The following DNAI2 variants were observed in gnomAD, a reference collection of about 807,000 sequenced individuals.
The protein encoded by DNAI2 is dynein, axonemal, intermediate polypeptide 2.
A neutral mutation model predicts 74.7 loss-of-function variants in DNAI2; 63 were observed. That is an observed-to-expected ratio of 0.84 (90% CI 0.69 to 1.04). DNAI2 has a LOEUF of 1.04. DNAI2 is among the 50% of genes least tolerant of loss of function. The pLI is 0.00. For synonymous variants in DNAI2, 289 were observed against 314.9 expected (o/e 0.92, Z 0.87); for missense variants, 688 against 803.2 (o/e 0.86, Z 1.73).
chr17:74,281,832 C>T lies in DNAI2; in HGVS notation c.15C>T (p.Tyr5=), dbSNP rs760845605. ...CAGCCGGCACCATGGAGATTGTGTA[C>T]GTGTACGTCAAGAAGCGCAGCGAGT... The part of the protein sequence containing the change: MEIV[Y]VYVKKRSEFG... Residue 5 remains tyrosine, a synonymous_variant, in exon 2 of 14, where the codon TAC becomes TAT. Transcript: ENST00000311014. 2 of 1,613,906 alleles carry T rather than the reference C, an allele frequency of 1.2e-6. No homozygotes were observed. The highest frequency in any genetic ancestry group is 1.7e-6 in the Non-Finnish European group (2 of 1,180,012).
intron 1 of DNAI2, among the ~76,000 whole-genome samples, chr17:74,278,708 C>T (rs925786640): frequency 2.6e-5 from 4 of 151,312 alleles, no homozygotes; most frequent in Admixed American, 6.6e-5. Context: ...ACGCAGGAGG[C>T]GGAGGTTGCA....
intron 6 of DNAI2, among the ~76,000 whole-genome samples, chr17:74,292,478 G>A (rs7211923): frequency 0.022 from 3,129 of 142,170 alleles, 114 homozygotes; most frequent in African/African-American, 0.076. Flanking sequence ...GTGCAGTGGT[G>A]TAATCACTGC....
chr17:74,294,595 C>G (rs975662394), intron 6 of DNAI2, among the ~76,000 whole-genome samples: 2 of 152,166 alleles, frequency 1.3e-5, no homozygotes, highest in Admixed American at 6.5e-5. Flanking sequence ...GGATTTCAGG[C>G]GTGAGCCACC....
chr17:74,291,578 A>G (rs2052102039), intron 6 of DNAI2, among the ~76,000 whole-genome samples: 1 of 152,210 alleles, frequency 6.6e-6, no homozygotes, highest in Admixed American at 6.5e-5. Flanking sequence ...TAGCTGACCA[A>G]CTGCAGACAC....
intron 1 of DNAI2, among the ~76,000 whole-genome samples, chr17:74,277,113 G>C (rs759195732): frequency 5.3e-5 from 8 of 152,190 alleles, no homozygotes; most frequent in Admixed American, 2.0e-4. Flanking sequence ...AAGGCTGGGT[G>C]CGGTGGCTCA....
chr17:74,288,756 G>A (rs1394755563), intron 4 of DNAI2, among the ~76,000 whole-genome samples: 1 of 152,136 alleles, frequency 6.6e-6, no homozygotes, highest in Non-Finnish European at 1.5e-5. Context: ...AAAGTGGGTG[G>A]AAGTGAGAAA....
chr17:74,294,718 G>T (rs2052333512), intron 6 of DNAI2, among the ~76,000 whole-genome samples: 1 of 152,110 alleles, frequency 6.6e-6, no homozygotes, highest in Admixed American at 6.6e-5. Context: ...ATGTTTCTAG[G>T]TATGGATATC....
chr17:74,296,223 C>T (rs1313996982), intron 6 of DNAI2, among the ~76,000 whole-genome samples: 1 of 151,692 alleles, frequency 6.6e-6, no homozygotes, highest in Non-Finnish European at 1.5e-5. Context: ...GTCTGTAATC[C>T]TAACACTTTG....
At chr17:74,310,433 G>T (rs1448812239) in intron 11 of DNAI2, among the ~76,000 whole-genome samples, 1 of 151,784 alleles carries the variant, frequency 6.6e-6, no homozygotes, top group Non-Finnish European at 1.5e-5. Flanking sequence ...GTTCGACTTG[G>T]TCAGTTTGTC....
chr17:74,297,619 T>C (rs986726997), intron 6 of DNAI2, among the ~76,000 whole-genome samples: 2 of 151,754 alleles, frequency 1.3e-5, no homozygotes, highest in Non-Finnish European at 2.9e-5. Flanking sequence ...TGGCCTCAAG[T>C]GATCCACCCA....
chr17:74,299,009 C>A (rs1158191559), intron 6 of DNAI2, among the ~76,000 whole-genome samples: 1 of 152,202 alleles, frequency 6.6e-6, no homozygotes, highest in East Asian at 1.9e-4. Flanking sequence ...TAAGTCAAAG[C>A]TTACGAGCTA....
At position 74,307,255 on chromosome 17, in the gene DNAI2, C is replaced by T. The variant is rs554598446; in HGVS notation, c.1211+1813C>T. On this transcript the variant is annotated intron_variant, in intron 9 of 13. Coordinates refer to ENST00000311014, the MANE Select transcript of DNAI2 (RefSeq NM_023036.6). ...GAAAGGAGCAGGGTGTCGAGCACAGCACCCATAGGCCTTTCGCAGGGCTGG... is the reference window on the plus strand; with the variant it reads ...GAAAGGAGCAGGGTGTCGAGCACAGTACCCATAGGCCTTTCGCAGGGCTGG... The T allele has an allele frequency of 3.7e-5, 17 of 456,264 alleles. No homozygotes were observed. In the East Asian group the frequency reaches 1.0e-3, roughly 28 times the overall value. 28.3% of individuals were successfully genotyped at this position (456,264 alleles called of 1,614,324 possible).
At position 74,312,240 on chromosome 17, in the gene DNAI2, T is replaced by C. The variant is rs1383896621; in HGVS notation, c.1722+10T>C. ...GCTGACGCCAGTGCCTGTAGGGGCC[T>C]GGACAGGGGTTGGGTGGGTTGGGGA... On this transcript the variant is annotated intron_variant, in intron 12 of 13. Transcript: ENST00000311014. The C allele has an allele frequency of 5.3e-6, 6 of 1,137,918 alleles. No individual in the cohort carries two copies. Among genetic ancestry groups the C allele is most frequent in the Non-Finnish European group, 7.5e-6 (6 of 798,764 alleles). The allele number at this position is 1,137,918 out of a possible 1,614,324, so 70.5% of individuals were successfully genotyped here.
At chr17:74,307,230 G>A (rs1354858919) in intron 9 of DNAI2, 1 of 456,164 alleles carries the variant, frequency 2.2e-6, no homozygotes, top group Non-Finnish European at 4.4e-6. Context: ...AGGGCTGTGT[G>A]AAAGGAGCAG....
chr17:74,309,937 C>T (rs2053416181), intron 10 of DNAI2, 80 bp from the exon 11 acceptor site: 1 of 1,595,934 alleles, frequency 6.3e-7, no homozygotes, highest in African/African-American at 1.3e-5. Flanking sequence ...GTGGCTGAGC[C>T]TCCCCAGGGG....
chr17:74,281,410 C>A, intron 1 of DNAI2: 1 of 396,674 alleles, frequency 2.5e-6, no homozygotes, highest in African/African-American at 2.0e-5. Context: ...AGGTGTGCAC[C>A]ACCATGCCCG....
chr17:74,281,962 A>G lies in DNAI2; in HGVS notation c.145A>G (p.Thr49Ala). 4 of 1,614,096 alleles carry G rather than the reference A, an allele frequency of 2.5e-6. No homozygotes were observed. The highest frequency in any genetic ancestry group is 3.4e-6 in the Non-Finnish European group (4 of 1,180,018). The change falls in exon 2 of 14, where the codon ACG becomes GCG. Residue 49 changes from threonine to alanine, a missense_variant. Coordinates refer to ENST00000311014, the MANE Select transcript of DNAI2 (RefSeq NM_023036.6). ...EQFVERNPVDTGIQCSISMSE... is the reference protein window; with the variant it reads ...EQFVERNPVDAGIQCSISMSE... ...GTTCGTGGAGCGGAACCCAGTGGAC[A>G]CGGGCATCCAGTGCTCGATCAGCAT...
chr17:74,277,003 C>T (rs954684872), intron 1 of DNAI2, among the ~76,000 whole-genome samples: 1 of 152,186 alleles, frequency 6.6e-6, no homozygotes, highest in Non-Finnish European at 1.5e-5. Context: ...CACTGGGGCA[C>T]CCCGCTACAA....
intron 8 of DNAI2, among the ~76,000 whole-genome samples, chr17:74,304,918 A>T (rs568934435): frequency 6.6e-6 from 1 of 152,282 alleles, no homozygotes; most frequent in Non-Finnish European, 1.5e-5. Flanking sequence ...GGCCAAATGC[A>T]TCGAGGACAC....
Sources: gnomAD v4.1 joint callset for allele counts (sites outside exome capture counted in the v4.1 genomes callset) on GRCh38, gnomAD v4.1.1 for gene constraint, MANE v1.5 for transcripts, NCBI Gene and HGNC (gene_info 2026-07-23, HGNC 2026-07-21) for gene names.